The following KANK1 variants were observed in gnomAD, a reference collection of about 807,000 sequenced individuals.
KANK1 encodes KN motif and ankyrin repeat domain-containing protein 1.
KANK1 carries 109 observed loss-of-function variants against 106.2 expected under a neutral mutation model. That is an observed-to-expected ratio of 1.03 (90% CI 0.88 to 1.20). The LOEUF is 1.20. KANK1 is among the 50% of genes most tolerant of loss of function. KANK1 has a pLI of 0.00. For synonymous variants in KANK1, 873 were observed against 652.2 expected, an observed-to-expected ratio of 1.34 and a Z score of -5.16; for missense variants, 2,399 against 1,710.7, an observed-to-expected ratio of 1.40 and a Z score of -7.10.
chr9:517,690 G>T (rs1244183162), intron 1 of KANK1, among the ~76,000 whole-genome samples: 1 of 151,100 alleles, frequency 6.6e-6, no homozygotes, highest in East Asian at 1.9e-4. Flanking sequence ...GGGTGTGCCG[G>T]TGGGTCACCT....
intron 2 of KANK1, chr9:707,288 C>CG (rs1419916391): frequency 1.0e-6 from 1 of 956,522 alleles, no homozygotes; most frequent in African/African-American, 1.8e-5. Flanking sequence ...CACCGCTGGC[C>CG]GAATTCCGGG....
In KANK1 at chr9:515,916, G is replaced by C. The variant is rs149314452; in HGVS notation, c.-84+11162G>C. 2.2e-3 allele frequency among the ~76,000 whole-genome samples: 331 copies of C among 151,890 alleles called. 8 individuals carry two copies. Among genetic ancestry groups the C allele is most frequent in the African/African-American group, 7.6e-3 (314 of 41,166 alleles). On this transcript the variant is annotated intron_variant, in intron 1 of 11. Coordinates refer to ENST00000382297, the MANE Select transcript of KANK1 (RefSeq NM_015158.5). ...TTGAGTTCGTTTTGATTTATTTCCT[G>C]TTGACATTTTGAGATTTCTTCCTTT...
intron 3 of KANK1, among the ~76,000 whole-genome samples, chr9:718,786 G>C (rs1378574405): frequency 6.6e-6 from 1 of 152,108 alleles, no homozygotes; most frequent in Non-Finnish European, 1.5e-5. Flanking sequence ...AGGTCTGAGA[G>C]GAGAGCGTAG....
In KANK1 at chr9:530,703, A is replaced by G. The variant is rs16918983; in HGVS notation, c.-84+25949A>G. On this transcript the variant is annotated intron_variant, in intron 1 of 11. Coordinates refer to ENST00000382297, the MANE Select transcript of KANK1 (RefSeq NM_015158.5). ...TTGTAGTGGTATTTAAAAATGAATTATGTGGCTGGGAGCGGTGGCTCATGC... is the reference window on the plus strand; with the variant it reads ...TTGTAGTGGTATTTAAAAATGAATTGTGTGGCTGGGAGCGGTGGCTCATGC... Among the ~76,000 whole-genome samples, 5 of 152,246 alleles carry G rather than the reference A, an allele frequency of 3.3e-5. No individual in the cohort carries two copies. In the East Asian group the frequency reaches 5.8e-4, roughly 18 times the overall value.
Position 745,235 on chromosome 9 carries a change from A to G in KANK1, c.4059A>G (p.Ter1353TrpextTer13). 1.2e-6 allele frequency: 2 copies of G among 1,613,994 alleles called. No homozygotes were observed. The highest frequency in any genetic ancestry group is 1.7e-6 in the Non-Finnish European group (2 of 1,179,940). The change falls in exon 12 of 12, where the codon TGA (stop) becomes TGG (tryptophan). Residue 1353 changes from the stop codon to tryptophan (W), a stop_lost. Transcript: ENST00000382297. ...CCACCCACCGAGGTTCATTTGATTG[A>G]TTGTATGCAAATAGCCCTTTATTTA... ...PGPTHRGSFD[*>W]
intron 1 of KANK1, among the ~76,000 whole-genome samples, chr9:534,324 C>T (rs9407298): frequency 0.12 from 18,031 of 152,106 alleles, 1,688 homozygotes; most frequent in African/African-American, 0.26. Flanking sequence ...TTATTGTGCT[C>T]GGTTGGCTAC....
chr9:548,531 A>C (rs1248871854), intron 1 of KANK1, among the ~76,000 whole-genome samples: 4 of 152,210 alleles, frequency 2.6e-5, no homozygotes, highest in Non-Finnish European at 5.9e-5. Context: ...TAAGAAAAGA[A>C]AGCAGACATT....
At chr9:708,962 T>C (rs1564027394) in intron 2 of KANK1, among the ~76,000 whole-genome samples, 1 of 152,244 alleles carries the variant, frequency 6.6e-6, no homozygotes, top group Non-Finnish European at 1.5e-5. Flanking sequence ...GGTCTGCGCT[T>C]TGAAAGGTTC....
intron 2 of KANK1, chr9:677,548 T>G (rs1271751277): frequency 6.6e-6 from 1 of 152,280 alleles, no homozygotes; most frequent in Non-Finnish European, 1.5e-5. Flanking sequence ...TTACATAGTT[T>G]CACTTTCTGT....
At chr9:613,729 G>T (rs1347332260) in intron 1 of KANK1, among the ~76,000 whole-genome samples, 3 of 151,924 alleles carry the variant, frequency 2.0e-5, no homozygotes, top group Non-Finnish European at 4.4e-5. Flanking sequence ...TTAAAAACAG[G>T]ATACTTCTTG....
At chr9:740,324 A>G (rs545793157) in intron 8 of KANK1, among the ~76,000 whole-genome samples, 21 of 152,206 alleles carry the variant, frequency 1.4e-4, no homozygotes, top group Non-Finnish European at 2.9e-4. Context: ...TAGTAAATTC[A>G]GAGTCTCAGA....
chr9:495,211 A>G (rs2058438586), intron 3 of KANK1: 1 of 152,242 alleles, frequency 6.6e-6, no homozygotes, highest in South Asian at 2.1e-4. Flanking sequence ...TCCCCAGACT[A>G]TGAGTTTCTG....
At chr9:481,225 A>G (rs1009753162) in intron 3 of KANK1, among the ~76,000 whole-genome samples, 4 of 152,226 alleles carry the variant, frequency 2.6e-5, no homozygotes, top group African/African-American at 4.8e-5. Flanking sequence ...TCACGCTATC[A>G]TAAAGTTGAG....
At chr9:502,242 A>G (rs1195428671), upstream of KANK1, among the ~76,000 whole-genome samples, 2 of 114 alleles carry the variant, frequency 0.018, no homozygotes, top group Admixed American at 0.083. Flanking sequence ...TGGGATGTCA[A>G]TGTCTGGAAT....
chr9:550,001 G>A (rs1232559184), intron 1 of KANK1, among the ~76,000 whole-genome samples: 1 of 152,116 alleles, frequency 6.6e-6, no homozygotes, highest in Non-Finnish European at 1.5e-5. Flanking sequence ...GGGACACTGA[G>A]GTGGGTTTTG....
chr9:543,536 G>A (rs1308831873), intron 1 of KANK1, among the ~76,000 whole-genome samples: 1 of 145,346 alleles, frequency 6.9e-6, no homozygotes, highest in East Asian at 2.0e-4. Context: ...TCCAGCCTGG[G>A]CAACAAGAGT....
intron 1 of KANK1, among the ~76,000 whole-genome samples, chr9:617,570 TA>T (rs1832142838): frequency 6.6e-6 from 1 of 152,162 alleles, no homozygotes; most frequent in East Asian, 1.9e-4. Context: ...CCTTTACAGC[TA>T]CTTGATGGTG....
intron 8 of KANK1, among the ~76,000 whole-genome samples, chr9:740,117 A>C (rs1422172088): frequency 6.6e-6 from 1 of 152,174 alleles, no homozygotes; most frequent in Non-Finnish European, 1.5e-5. Flanking sequence ...CATTTCAGAG[A>C]AAGTGCCGAA....
chr9:534,869 G>T (rs959913329), intron 1 of KANK1, among the ~76,000 whole-genome samples: 3 of 152,220 alleles, frequency 2.0e-5, no homozygotes, highest in Admixed American at 6.5e-5. Context: ...GCCCATGTGG[G>T]AACAATTAGT....
Sources: allele counts gnomAD v4.1 joint callset (sites outside exome capture counted in the v4.1 genomes callset), GRCh38; gene constraint gnomAD v4.1.1; transcripts MANE v1.5; gene names NCBI Gene and HGNC (gene_info 2026-07-23, HGNC 2026-07-21).